The following TNPO2 variants were observed in gnomAD, a reference collection of about 807,000 sequenced individuals.
TNPO2 encodes transportin-2.
A neutral mutation model predicts 111.1 loss-of-function variants in TNPO2; 16 were observed. The ratio of observed to expected loss-of-function variants is 0.14; its 90% CI spans 0.10 to 0.22. The LOEUF (loss-of-function observed/expected upper bound fraction) is 0.22, where lower values mean the gene tolerates loss of function less well. TNPO2 is among the 10% of genes least tolerant of loss of function. The probability of loss-of-function intolerance (pLI) is 1.00; values close to 1 mark genes in which losing one functional copy is unlikely to be tolerated. For missense variants in TNPO2, 530 were observed against 1,173.7 expected, an observed-to-expected ratio of 0.45 and a Z score of 8.01; for synonymous variants, 481 against 475.8, an observed-to-expected ratio of 1.01 and a Z score of -0.14.
At chr19:12,710,484 G>A in intron 13 of TNPO2, 137 bp downstream of exon 13, 1 of 1,030,560 alleles carries the variant, frequency 9.7e-7, no homozygotes, top group Non-Finnish European at 1.4e-6. Context: ...GAACCAAGGG[G>A]AGAATTGAGA....
chr19:12,707,605 A>G (rs1324083004), intron 13 of TNPO2, among the ~76,000 whole-genome samples: 1 of 138,724 alleles, frequency 7.2e-6, no homozygotes, highest in Admixed American at 7.8e-5. Context: ...TTTCCTGCCT[A>G]AGCCTCCCAA....
intron 5 of TNPO2, among the ~76,000 whole-genome samples, chr19:12,716,900 A>G (rs2026393828): frequency 6.6e-6 from 1 of 152,178 alleles, no homozygotes; most frequent in South Asian, 2.1e-4. Context: ...AAGGACAGGC[A>G]TGATGAGAGA....
At position 12,705,688 on chromosome 19, in the gene TNPO2, C is replaced by G; in HGVS notation, c.1749G>C (p.Leu583=). 2 of 1,530,092 alleles carry G rather than the reference C, an allele frequency of 1.3e-6. No individual in the cohort carries two copies. Among genetic ancestry groups the G allele is most frequent in the Non-Finnish European group, 8.8e-7 (1 of 1,133,250 alleles). The allele number at this position is 1,530,092 out of a possible 1,614,324, so 94.8% of individuals were successfully genotyped here. ...GGGGCAGGAGCCCACTCACCTCCAG[C>G]AGGGGGAAGAGGTCCTTGTCTTCGT... ...LKDEDKDLFP[L]LECLSSVATA... The change falls in exon 16 of 26, where the codon CTG becomes CTC. Residue 583 remains leucine, a synonymous_variant. Coordinates refer to ENST00000425528, the MANE Select transcript of TNPO2 (RefSeq NM_001382241.1). The surrounding 1 kb of genome is among the most constrained non-coding windows in gnomAD (Gnocchi z 7.2).
In TNPO2 at chr19:12,703,736, G is replaced by A. The variant is rs1254314529; in HGVS notation, c.2088C>T (p.Phe696=). ...TACCGATACAGGGCTTGACATGGAT[G>A]AAGCAGGCTTTGGTGAGGTCTCCCA... ...ALLGDLTKAC[F]IHVKPCIAEF... The change falls in exon 19 of 26, where the codon TTC becomes TTT. Residue 696 remains phenylalanine (F), a synonymous_variant. Coordinates refer to ENST00000425528, the MANE Select transcript of TNPO2 (RefSeq NM_001382241.1). The A allele has an allele frequency of 6.2e-6, 10 of 1,608,362 alleles. No individual in the cohort carries two copies. Among genetic ancestry groups the A allele is most frequent in the Admixed American group, 1.7e-5 (1 of 58,896 alleles).
chr19:12,703,985 G>A (rs921001895), intron 18 of TNPO2, among the ~76,000 whole-genome samples, 184 bp from the exon 19 acceptor site: 5 of 152,150 alleles, frequency 3.3e-5, no homozygotes, highest in Non-Finnish European at 7.4e-5. Context: ...GTGCCCCAAC[G>A]GTCATCCCTC....
At chr19:12,713,525 A>G (rs900677609) in intron 10 of TNPO2, among the ~76,000 whole-genome samples, 7 of 151,880 alleles carry the variant, frequency 4.6e-5, no homozygotes, top group African/African-American at 1.7e-4. Flanking sequence ...ATAAACATAC[A>G]ATATGCTGGG....
intron 10 of TNPO2, among the ~76,000 whole-genome samples, chr19:12,712,921 T>C (rs549831601): frequency 1.3e-5 from 2 of 152,232 alleles, no homozygotes; most frequent in African/African-American, 2.4e-5. Flanking sequence ...TACGTAACCC[T>C]ATCACCCAGG....
chr19:12,720,845 C>T (rs1301316926), intron 3 of TNPO2, 34 bp downstream of exon 3: 4 of 1,557,602 alleles, frequency 2.6e-6, no homozygotes, highest in Admixed American at 1.9e-5. Context: ...CGCATCTACC[C>T]GGCTCCCCCA....
intron 20 of TNPO2, 81 bp downstream of exon 20, chr19:12,703,347 T>G: frequency 7.7e-7 from 1 of 1,303,228 alleles, no homozygotes; most frequent in South Asian, 1.2e-5. Flanking sequence ...TGAAGGAAGC[T>G]GTCAGTCAGA....
At position 12,707,233 on chromosome 19, in the gene TNPO2, G is replaced by A. The variant is rs1242178313; in HGVS notation, c.1271-438C>T. On this transcript the variant is annotated intron_variant, in intron 13 of 25. Coordinates refer to ENST00000425528, the MANE Select transcript of TNPO2 (RefSeq NM_001382241.1). Reference sequence around the variant, plus strand: ...AAGATGGTCTCAGTCTCCTGACCTCGTGATCCACCCGCCCTGGCCTCCCAA... The same window carrying A: ...AAGATGGTCTCAGTCTCCTGACCTCATGATCCACCCGCCCTGGCCTCCCAA... 3.3e-5 allele frequency among the ~76,000 whole-genome samples: 5 copies of A among 152,214 alleles called. No homozygotes were observed. The East Asian group carries it at 7.7e-4, about 24-fold the overall frequency.
intron 13 of TNPO2, among the ~76,000 whole-genome samples, chr19:12,709,381 C>T (rs1018960567): frequency 2.0e-5 from 3 of 151,038 alleles, no homozygotes; most frequent in African/African-American, 4.8e-5. Context: ...ATAAATAACA[C>T]AGCTTATGTA....
At chr19:12,704,505 T>G (rs1443842813) in intron 18 of TNPO2, among the ~76,000 whole-genome samples, 1 of 152,332 alleles carries the variant, frequency 6.6e-6, no homozygotes. Flanking sequence ...GTTGTTATAC[T>G]GTATTGTTTA....
intron 3 of TNPO2, among the ~76,000 whole-genome samples, chr19:12,720,356 G>A (rs1467738346): frequency 6.6e-6 from 1 of 151,718 alleles, no homozygotes; most frequent in African/African-American, 2.4e-5. Context: ...TGGCTCTGTC[G>A]CCCAGGGTGG....
intron 12 of TNPO2, 116 bp from the exon 13 acceptor site, chr19:12,710,889 CTTTT>C: frequency 9.1e-7 from 1 of 1,103,402 alleles, no homozygotes; most frequent in East Asian, 2.8e-5. Context: ...CGATCAGCTT[CTTTT>C]TTTTTGTTTT....
chr19:12,715,896 A>G lies in TNPO2; in HGVS notation c.326-157T>C, dbSNP rs60469982. On this transcript the variant is annotated intron_variant, in intron 5 of 25. Transcript: ENST00000425528. This position sits in a 1 kb window ranked among gnomAD's most constrained non-coding sequence, Gnocchi z 7.1. ...TTTTTTTTTCTTTGTAAGAGATAGA[A>G]TTAGCTCTGTTGCCCAGGCTGGACT... Among the ~76,000 whole-genome samples the G allele has an allele frequency of 0.14, 20,618 of 151,698 alleles. 4,211 individuals carry two copies. The highest frequency in any genetic ancestry group is 0.44 in the African/African-American group (18,324 of 41,248).
Position 12,719,544 on chromosome 19 carries a change from C to T in TNPO2, c.100-208G>A, listed in dbSNP as rs565680841. ...GGCGCGGTGGCTCACGCCTGTAATCCCAGCACTTTTTGGGAGGTCAAGGCG... is the reference window on the plus strand; with the variant it reads ...GGCGCGGTGGCTCACGCCTGTAATCTCAGCACTTTTTGGGAGGTCAAGGCG... On this transcript the variant is annotated intron_variant, in intron 3 of 25. Coordinates refer to ENST00000425528, the MANE Select transcript of TNPO2 (RefSeq NM_001382241.1). This position sits in a 1 kb window ranked among gnomAD's most constrained non-coding sequence, Gnocchi z 5.0. Among the ~76,000 whole-genome samples the T allele has an allele frequency of 6.6e-5, 10 of 152,184 alleles. No homozygotes were observed. The South Asian group carries it at 2.1e-3, about 32-fold the overall frequency.
rs759441545 is a variant in TNPO2, at chr19:12,706,395, C to A, written c.1497-28G>T. ...GGTGGGAGGGAGGATGAAGCGGGGG[C>A]TCAGTGGACCATGGCAGGTGACACT... On this transcript the variant is annotated intron_variant, in intron 14 of 25. Transcript: ENST00000425528. This position sits in a 1 kb window ranked among gnomAD's most constrained non-coding sequence, Gnocchi z 7.0. 4 of 1,613,616 alleles carry A rather than the reference C, an allele frequency of 2.5e-6. No individual in the cohort carries two copies. The highest frequency in any genetic ancestry group is 1.1e-5 in the South Asian group (1 of 91,078).
intron 10 of TNPO2, among the ~76,000 whole-genome samples, chr19:12,711,997 G>A (rs928786213): frequency 6.6e-6 from 1 of 151,780 alleles, no homozygotes; most frequent in African/African-American, 2.4e-5. Context: ...AGTTATACCA[G>A]ATATAGATCT....
chr19:12,712,869 C>T (rs933226090), intron 10 of TNPO2, among the ~76,000 whole-genome samples: 2 of 152,144 alleles, frequency 1.3e-5, no homozygotes, highest in African/African-American at 2.4e-5. Flanking sequence ...CTCTCATCGC[C>T]GCACACAGGA....
Sources: gnomAD v4.1 joint callset for allele counts (sites outside exome capture counted in the v4.1 genomes callset) on GRCh38, gnomAD v4.1.1 for gene constraint, Gnocchi (gnomAD v3.1) non-coding constraint, MANE v1.5 for transcripts, NCBI Gene and HGNC (gene_info 2026-07-23, HGNC 2026-07-21) for gene names.